The following PFKFB3 variants were observed in gnomAD, a reference collection of about 807,000 sequenced individuals.
PFKFB3 encodes 6-phosphofructo-2-kinase/fructose-2,6-biphosphatase 3.
PFKFB3 carries 33 observed loss-of-function variants against 68.0 expected under a neutral mutation model. The ratio of observed to expected loss-of-function variants is 0.49; its 90% CI spans 0.37 to 0.65. PFKFB3 has a LOEUF of 0.65. PFKFB3 is among the 30% of genes least tolerant of loss of function. The pLI, the probability that PFKFB3 is intolerant of heterozygous loss-of-function variation, is 0.00. For synonymous variants in PFKFB3, 315 were observed against 288.2 expected, an observed-to-expected ratio of 1.09 and a Z score of -0.94; for missense variants, 586 against 712.2, an observed-to-expected ratio of 0.82 and a Z score of 2.02.
At position 6,229,798 on chromosome 10, in the gene PFKFB3, C is replaced by T. The variant is rs1216941321; in HGVS notation, c.1516-3097C>T. 6.6e-6 allele frequency among the ~76,000 whole-genome samples: 1 copy of T among 152,214 alleles called. No individual in the cohort carries two copies. Among genetic ancestry groups the T allele is most frequent in the Non-Finnish European group, 1.5e-5 (1 of 68,042 alleles). On this transcript the variant is annotated intron_variant, in intron 14 of 14. Transcript: ENST00000379775. The surrounding 1 kb of genome is among the most constrained non-coding windows in gnomAD (Gnocchi z 4.3). ...CCGTTTCGTGGAAGAGAATTTTCCC[C>T]ACCATGGCAGGGTAGGGGATGGTTT...
intron 1 of PFKFB3, among the ~76,000 whole-genome samples, chr10:6,171,176 T>G (rs1043135532): frequency 6.6e-6 from 1 of 151,594 alleles, no homozygotes; most frequent in Non-Finnish European, 1.5e-5. Flanking sequence ...GCCTCCCGAG[T>G]AGCTGGGATT....
the PFKFB3 span, among the ~76,000 whole-genome samples, chr10:6,305,984 C>G: frequency 5.1e-4 from 78 of 152,200 alleles, no homozygotes; most frequent in African/African-American, 1.9e-3. Flanking sequence ...GTTTTGTTTC[C>G]TTTATTTTTT....
At chr10:6,264,642 C>T in the PFKFB3 span, among the ~76,000 whole-genome samples, 3 of 151,974 alleles carry the variant, frequency 2.0e-5, no homozygotes, top group Non-Finnish European at 2.9e-5. Context: ...ACAGAGAAAC[C>T]CCTTGTTCCC....
chr10:6,164,256 C>T lies in PFKFB3; in HGVS notation c.16+19243C>T, dbSNP rs543855468. On this transcript the variant is annotated intron_variant, in intron 1 of 14. Transcript: ENST00000379789. ...GTGAGCACCCGGGGACCGCTCCTAG[C>T]CCCCAGTGTGGGACACAGACTCCCT... 7.9e-5 allele frequency among the ~76,000 whole-genome samples: 12 copies of T among 152,278 alleles called. No individual in the cohort carries two copies. The East Asian group carries it at 1.9e-3, about 25-fold the overall frequency.
rs1844523959 is a variant in PFKFB3, at chr10:6,215,612, C to CGCTGAG, written c.299+296_299+301dup. On this transcript the variant is annotated intron_variant, in intron 3 of 14. Coordinates refer to ENST00000379775, the MANE Select transcript of PFKFB3 (RefSeq NM_004566.4). This position sits in a 1 kb window ranked among gnomAD's most constrained non-coding sequence, Gnocchi z 4.3. ...GCTCTCATCTGTCCCCTGAGGGTCT[C>CGCTGAG]GCTGAGCTGACCCTCACTGGGACAG... 6.6e-6 allele frequency among the ~76,000 whole-genome samples: 1 copy of CGCTGAG among 152,156 alleles called. No individual in the cohort carries two copies. The highest frequency in any genetic ancestry group is 2.4e-5 in the African/African-American group (1 of 41,424).
chr10:6,269,442 C>A, the PFKFB3 span, among the ~76,000 whole-genome samples: 1 of 152,140 alleles, frequency 6.6e-6, no homozygotes, highest in African/African-American at 2.4e-5. Context: ...TACAGGTATG[C>A]ACCACTGCAC....
At chr10:6,241,982 A>C (rs752617814) in intron 14 of PFKFB3, among the ~76,000 whole-genome samples, 35 of 151,720 alleles carry the variant, frequency 2.3e-4, no homozygotes, top group Non-Finnish European at 4.3e-4. Context: ...AGTAGCTGGG[A>C]TTACAGGTGT....
At chr10:6,175,150 C>T (rs1305336821) in intron 1 of PFKFB3, among the ~76,000 whole-genome samples, 1 of 152,190 alleles carries the variant, frequency 6.6e-6, no homozygotes, top group Non-Finnish European at 1.5e-5. Context: ...AAATTGTCCC[C>T]AGCTTCTCTC....
chr10:6,265,253 G>A, the PFKFB3 span, among the ~76,000 whole-genome samples: 1 of 151,852 alleles, frequency 6.6e-6, no homozygotes, highest in Admixed American at 6.6e-5. Flanking sequence ...GCTAATTTTT[G>A]TATTTTTAGT....
chr10:6,147,182 C>A (rs868006279), intron 1 of PFKFB3, among the ~76,000 whole-genome samples: 1 of 152,230 alleles, frequency 6.6e-6, no homozygotes, highest in Admixed American at 6.5e-5. Flanking sequence ...AGGGACAGCA[C>A]GGCACGTCAA....
intron 1 of PFKFB3, among the ~76,000 whole-genome samples, chr10:6,189,312 A>G (rs1451987836): frequency 6.6e-6 from 1 of 152,176 alleles, no homozygotes; most frequent in Non-Finnish European, 1.5e-5. Context: ...CTTATTTTTT[A>G]GAATATCCCT....
chr10:6,248,971 C>T (rs1285700166), intron 14 of PFKFB3, among the ~76,000 whole-genome samples: 13 of 151,932 alleles, frequency 8.6e-5, no homozygotes, highest in Middle Eastern at 3.4e-3. Flanking sequence ...GTCGGGAATT[C>T]GAGACCAGCT....
Position 6,215,229 on chromosome 10 carries a change from G to A in PFKFB3, c.211G>A (p.Val71Ile), listed in dbSNP as rs181651478. 105 of 1,613,840 alleles carry A rather than the reference G, an allele frequency of 6.5e-5. No individual in the cohort carries two copies. The East Asian group carries it at 1.6e-3, about 24-fold the overall frequency. The change falls in exon 3 of 15, where the codon GTC (valine) becomes ATC (isoleucine). Residue 71 changes from valine to isoleucine, a missense_variant. Coordinates refer to ENST00000379775, the MANE Select transcript of PFKFB3 (RefSeq NM_004566.4). This position sits in a 1 kb window ranked among gnomAD's most constrained non-coding sequence, Gnocchi z 4.3. ...CTCTTTCCCGTCCACAGTGTTCAAC[G>A]TCGGGGAGTATCGCCGGGAGGCTGT... ...WIGVPTKVFN[V>I]GEYRREAVKQ... is the part of the protein sequence containing the mutation.
intron 1 of PFKFB3, among the ~76,000 whole-genome samples, chr10:6,166,399 T>G (rs1842142195): frequency 1.3e-5 from 2 of 152,050 alleles, no homozygotes; most frequent in Non-Finnish European, 2.9e-5. Flanking sequence ...CTTAGTATTT[T>G]TTTTTTTCTG....
At chr10:6,203,472 C>A in intron 1 of PFKFB3, 136 bp downstream of exon 1, 1 of 301,674 alleles carries the variant, frequency 3.3e-6, no homozygotes, top group Non-Finnish European at 5.3e-6. Flanking sequence ...GGGGCGGAGG[C>A]GCGGGCTGCG....
At chr10:6,207,721 CG>C (rs1328699558) in intron 1 of PFKFB3, among the ~76,000 whole-genome samples, 1 of 152,232 alleles carries the variant, frequency 6.6e-6, no homozygotes, top group Non-Finnish European at 1.5e-5. Flanking sequence ...GGCACCTTAA[CG>C]GGATGCCCTG....
chr10:6,293,151 T>A, the PFKFB3 span: 1 of 456,920 alleles, frequency 2.2e-6, no homozygotes, highest in Non-Finnish European at 4.4e-6. Flanking sequence ...CTTGGTGTCA[T>A]CCACTTAATC....
chr10:6,167,585 T>G (rs1402399502), intron 1 of PFKFB3, among the ~76,000 whole-genome samples: 1 of 152,254 alleles, frequency 6.6e-6, no homozygotes, highest in African/African-American at 2.4e-5. Flanking sequence ...CTTGTTTTTC[T>G]TGGATCCCTA....
intron 1 of PFKFB3, chr10:6,163,933 G>C (rs1887026): frequency 0.083 from 12,616 of 152,580 alleles, 653 homozygotes; most frequent in East Asian, 0.23. Flanking sequence ...ACCTGGGGTT[G>C]TGTTTCCGGC....
Sources: allele counts gnomAD v4.1 joint callset (sites outside exome capture counted in the v4.1 genomes callset), GRCh38; gene constraint gnomAD v4.1.1; non-coding constraint Gnocchi (gnomAD v3.1); transcripts MANE v1.5; gene names NCBI Gene and HGNC (gene_info 2026-07-23, HGNC 2026-07-21).